The following PTPRQ variants were observed in gnomAD, a reference collection of about 807,000 sequenced individuals.
PTPRQ encodes the protein phosphatidylinositol phosphatase PTPRQ.
In PTPRQ, 199 loss-of-function variants were observed where a neutral mutation model predicts 246.0. The ratio of observed to expected loss-of-function variants is 0.81; its 90% CI spans 0.72 to 0.91. The LOEUF is 0.91. Ranked by LOEUF, PTPRQ falls within the 40% of genes least tolerant of loss-of-function variation. PTPRQ has a pLI of 0.00. For synonymous variants in PTPRQ, 869 were observed against 853.2 expected (o/e 1.02, Z -0.32); for missense variants, 2,624 against 2,528.4 (o/e 1.04, Z -0.81).
intron 27 of PTPRQ, among the ~76,000 whole-genome samples, chr12:80,606,101 A>G (rs1191582606): frequency 1.3e-5 from 2 of 151,132 alleles, no homozygotes; most frequent in Non-Finnish European, 3.0e-5. Flanking sequence ...ATATGACAGA[A>G]GATTATGAGG....
At chr12:80,607,324 A>C (rs185505740) in intron 27 of PTPRQ, among the ~76,000 whole-genome samples, 5 of 151,112 alleles carry the variant, frequency 3.3e-5, no homozygotes, top group Admixed American at 2.6e-4. Context: ...CGCCAACATA[A>C]ATATAGCCTC....
chr12:80,588,443 CTGCCTGGCCG>C lies in PTPRQ; in HGVS notation c.4603_4609+3del, dbSNP rs770694021. 3.4e-6 allele frequency: 5 copies of C among 1,481,520 alleles called. No individual in the cohort carries two copies. In the African/African-American group the frequency reaches 7.1e-5, roughly 21 times the overall value. The allele number at this position is 1,481,520 out of a possible 1,614,324, so 91.8% of individuals were successfully genotyped here. A position where few individuals can be genotyped will look rare whatever the true frequency, so the allele number is the denominator to read the frequency against. The stretch of plus-strand genomic sequence containing the variant: ...TTCAAACTGGATTTCTACAAAAACT[CTGCCTGGCCG>C]TGAGTATTGTCCTGACATGTACATA... On this transcript the variant is annotated splice_donor_variant and coding_sequence_variant, in exon 26 of 45. Transcript: ENST00000644991. LOFTEE classifies it high-confidence loss of function.
intron 20 of PTPRQ, among the ~76,000 whole-genome samples, chr12:80,540,846 G>A (rs1427692016): frequency 1.3e-5 from 2 of 152,046 alleles, no homozygotes; most frequent in Non-Finnish European, 2.9e-5. Context: ...TCTCTCCCAG[G>A]ATTTTTGCCA....
At chr12:80,454,237 G>A (rs1338533450) in intron 3 of PTPRQ, among the ~76,000 whole-genome samples, 1 of 150,040 alleles carries the variant, frequency 6.7e-6, no homozygotes, top group Non-Finnish European at 1.5e-5. Context: ...GCAGTATTCG[G>A]GTGGGAGTGA....
At chr12:80,677,065 T>C (rs1047521137) in intron 43 of PTPRQ, among the ~76,000 whole-genome samples, 4 of 152,282 alleles carry the variant, frequency 2.6e-5, no homozygotes, top group South Asian at 4.1e-4. Context: ...TGTAGGACTG[T>C]CTCACAGAGT....
chr12:80,670,420 C>T lies in PTPRQ; in HGVS notation c.6530C>T (p.Pro2177Leu), dbSNP rs1900932832. Reference sequence around the variant, plus strand: ...CATGGGGTTCCTGAGAACAGCGCCCCTCTAATTCACTTTGTGAAGTTGGTT... The same window carrying T: ...CATGGGGTTCCTGAGAACAGCGCCCTTCTAATTCACTTTGTGAAGTTGGTT... The part of the protein sequence containing the change: ...PEHGVPENSA[P>L]LIHFVKLVRA... The change falls in exon 42 of 45, where the codon CCT becomes CTT. Residue 2177 changes from proline (P) to leucine (L), a missense_variant. Pro to Leu is a moderately conservative substitution (Grantham distance 98). Transcript: ENST00000644991. 1 of 1,551,084 alleles carries T rather than the reference C, an allele frequency of 6.4e-7. No homozygotes were observed.
intron 5 of PTPRQ, among the ~76,000 whole-genome samples, chr12:80,459,689 A>C (rs1663234997): frequency 6.6e-6 from 1 of 152,304 alleles, no homozygotes; most frequent in South Asian, 2.1e-4. Flanking sequence ...GAATACAGGA[A>C]TGGTTTGAGA....
chr12:80,526,664 C>G (rs1448821214), intron 17 of PTPRQ, among the ~76,000 whole-genome samples: 1 of 151,936 alleles, frequency 6.6e-6, no homozygotes, highest in Non-Finnish European at 1.5e-5. Context: ...TTGGGGAGAG[C>G]CAGGAGTAAC....
rs1400589179 is a variant in PTPRQ at position 80,670,277 on chromosome 12, A to C, written c.6454-67A>C. The C allele has an allele frequency of 5.9e-6, 9 of 1,529,426 alleles. No individual in the cohort carries two copies. In the African/African-American group the frequency reaches 1.1e-4, roughly 19 times the overall value. The allele number at this position is 1,529,426 out of a possible 1,614,324, so 94.7% of individuals were successfully genotyped here. On this transcript the variant is annotated intron_variant, in intron 41 of 44. Transcript: ENST00000644991. ...AAGATCACCTTCAAAAACTGGGACTATTGCCTTCAACCTTCATTGTGGAAC... is the reference window on the plus strand; with the variant it reads ...AAGATCACCTTCAAAAACTGGGACTCTTGCCTTCAACCTTCATTGTGGAAC...
intron 25 of PTPRQ, among the ~76,000 whole-genome samples, chr12:80,573,941 TG>T (rs1897217790): frequency 6.6e-6 from 1 of 152,208 alleles, no homozygotes; most frequent in Non-Finnish European, 1.5e-5. Flanking sequence ...GCAAAATGTC[TG>T]TATCATTATC....
At chr12:80,526,345 CA>C (rs1895685363) in intron 17 of PTPRQ, among the ~76,000 whole-genome samples, 1 of 152,084 alleles carries the variant, frequency 6.6e-6, no homozygotes, top group African/African-American at 2.4e-5. Flanking sequence ...CAGAAACTTT[CA>C]GAAGAGTCAG....
intron 24 of PTPRQ, 144 bp from the exon 25 acceptor site, chr12:80,549,321 C>A: frequency 1.9e-6 from 2 of 1,045,808 alleles, no homozygotes; most frequent in South Asian, 2.0e-5. Context: ...ATGTTAATGA[C>A]TTTTTAAGCA....
intron 25 of PTPRQ, among the ~76,000 whole-genome samples, chr12:80,582,298 C>T (rs768791879): frequency 6.6e-6 from 1 of 152,280 alleles, no homozygotes; most frequent in South Asian, 2.1e-4. Flanking sequence ...GCTTGCTGTG[C>T]TGGCATTTCA....
chr12:80,470,774 T>C (rs1359120806), intron 7 of PTPRQ, among the ~76,000 whole-genome samples: 2 of 152,134 alleles, frequency 1.3e-5, no homozygotes, highest in African/African-American at 2.4e-5. Flanking sequence ...CAATGGATTG[T>C]TGATTTCAGT....
At chr12:80,470,233 G>A (rs1893581072) in intron 7 of PTPRQ, among the ~76,000 whole-genome samples, 1 of 152,182 alleles carries the variant, frequency 6.6e-6, no homozygotes, top group African/African-American at 2.4e-5. Context: ...CCATTGGTTT[G>A]AGATAAGAAT....
At chr12:80,569,610 T>G (rs867643087) in intron 25 of PTPRQ, among the ~76,000 whole-genome samples, 13 of 151,886 alleles carry the variant, frequency 8.6e-5, no homozygotes, top group Admixed American at 2.0e-4. Context: ...TTTTTTAATT[T>G]AAGTTCTGGG....
chr12:80,514,346 T>A (rs912830267), intron 17 of PTPRQ, among the ~76,000 whole-genome samples: 6 of 145,164 alleles, frequency 4.1e-5, no homozygotes, highest in African/African-American at 1.5e-4. Context: ...GAAAACACTT[T>A]TCCCTCAGTA....
Position 80,444,281 on chromosome 12 carries a change from A to T in PTPRQ, c.-65A>T. ...CAGAAGGATCTGTCTTTAAATCATT[A>T]ATGCAGGCAACATTTCTCTCTAGAG... On this transcript the variant is annotated 5_prime_UTR_variant, in exon 1 of 45. Coordinates refer to ENST00000644991, the MANE Select transcript of PTPRQ (RefSeq NM_001145026.2). 1.2e-6 allele frequency: 1 copy of T among 811,082 alleles called. No individual in the cohort carries two copies. The highest frequency in any genetic ancestry group is 2.1e-6 in the Non-Finnish European group (1 of 482,118). 50.2% of individuals were successfully genotyped at this position (811,082 alleles called of 1,614,324 possible). A position where few individuals can be genotyped will look rare whatever the true frequency, so the allele number is the denominator to read the frequency against.
intron 16 of PTPRQ, 79 bp from the exon 17 acceptor site, chr12:80,510,244 A>T: frequency 7.7e-7 from 1 of 1,301,362 alleles, no homozygotes; most frequent in Non-Finnish European, 9.9e-7. Context: ...GTTTATAATA[A>T]AAATTGTGTG....
Sources: allele counts gnomAD v4.1 joint callset (sites outside exome capture counted in the v4.1 genomes callset), GRCh38; gene constraint gnomAD v4.1.1; transcripts MANE v1.5; gene names NCBI Gene and HGNC (gene_info 2026-07-23, HGNC 2026-07-21).